Variants in ZNF479 observed in about 807,000 individuals in gnomAD.
The protein encoded by ZNF479 is KRAB zinc finger protein KR19.
ZNF479 carries 15 observed loss-of-function variants against 14.7 expected under a neutral mutation model. The observed-to-expected ratio is 1.02, with a 90% confidence interval of 0.68 to 1.57. ZNF479 has a LOEUF of 1.57. ZNF479 is among the 40% of genes most tolerant of loss of function. ZNF479 has a pLI of 0.00. For missense variants in ZNF479, 506 were observed against 615.1 expected, an observed-to-expected ratio of 0.82 and a Z score of 1.88; for synonymous variants, 145 against 211.5, an observed-to-expected ratio of 0.69 and a Z score of 2.73.
chr7:57,120,475 C>T lies in ZNF479; in HGVS notation c.940G>A (p.Asp314Asn), dbSNP rs200731240. 1,520 of 1,605,786 alleles carry T rather than the reference C, an allele frequency of 9.5e-4. 15 individuals are homozygous for T. The African/African-American group carries it at 0.019, about 20-fold the overall frequency. The change falls in exon 4 of 4, where the codon GAC (aspartate) becomes AAC (asparagine). Residue 314 changes from aspartate (D) to asparagine (N), a missense_variant. By Grantham distance (23) the Asp-to-Asn change is conservative (BLOSUM62 1). Coordinates refer to ENST00000319636, the MANE Select transcript of ZNF479 (RefSeq NM_001370129.2). ...KAFSVSSTLT[D>N]HKRIHTGEKP... Reference sequence around the variant, plus strand: ...TCTCCAGTATGAATTCTCTTGTGGTCAGTGAGGGTTGAGGATACGCTAAAG... The same window carrying T: ...TCTCCAGTATGAATTCTCTTGTGGTTAGTGAGGGTTGAGGATACGCTAAAG...
chr7:57,127,711 A>G (rs568567684), intron 1 of ZNF479: 22 of 202,086 alleles, frequency 1.1e-4, no homozygotes, highest in Non-Finnish European at 1.6e-4. Flanking sequence ...TCAGCTAGTA[A>G]ATCTCCTAAG....
At chr7:57,122,953 C>A (rs1786015494) in intron 3 of ZNF479, among the ~76,000 whole-genome samples, 1 of 151,684 alleles carries the variant, frequency 6.6e-6, no homozygotes, top group African/African-American at 2.4e-5. Flanking sequence ...AACATTAAGA[C>A]CTCCTTTTCA....
At position 57,122,276 on chromosome 7, in the gene ZNF479, G is replaced by A. The variant is rs1785988102; in HGVS notation, c.263-1124C>T. 2.0e-5 allele frequency among the ~76,000 whole-genome samples: 3 copies of A among 150,686 alleles called. No individual in the cohort carries two copies. The South Asian group carries it at 6.4e-4, about 32-fold the overall frequency. On this transcript the variant is annotated intron_variant, in intron 3 of 3. Coordinates refer to ENST00000319636, the MANE Select transcript of ZNF479 (RefSeq NM_001370129.2). ...AAAGGCTGAAAAAAATTTTCATGGT[G>A]AGAATAATAAAACCAGAAAAATGTA...
intron 1 of ZNF479, among the ~76,000 whole-genome samples, chr7:57,139,021 C>T (rs955556744): frequency 6.6e-6 from 1 of 152,208 alleles, no homozygotes; most frequent in African/African-American, 2.4e-5. Flanking sequence ...CATGATCCTA[C>T]ATTTGGGATT....
chr7:57,130,983 T>C (rs1320652086), intron 1 of ZNF479, among the ~76,000 whole-genome samples: 1 of 152,172 alleles, frequency 6.6e-6, no homozygotes, highest in Non-Finnish European at 1.5e-5. Context: ...TCATTATTTT[T>C]AGAAAACTAG....
chr7:57,131,281 A>G (rs376074286), intron 1 of ZNF479, among the ~76,000 whole-genome samples: 15 of 152,162 alleles, frequency 9.9e-5, no homozygotes, highest in East Asian at 9.7e-4. Context: ...AAAAAAAATC[A>G]GCTGGGTGCG....
chr7:57,136,459 T>C (rs1786659114), upstream of ZNF479, among the ~76,000 whole-genome samples: 1 of 152,078 alleles, frequency 6.6e-6, no homozygotes, highest in African/African-American at 2.4e-5. Context: ...AAATAATGGA[T>C]GAAATTTCCC....
chr7:57,131,692 C>A (rs1385866255), intron 1 of ZNF479, among the ~76,000 whole-genome samples: 1 of 152,056 alleles, frequency 6.6e-6, no homozygotes, highest in Non-Finnish European at 1.5e-5. Context: ...GAAATTTTCA[C>A]CTGGATCTCA....
intron 1 of ZNF479, among the ~76,000 whole-genome samples, chr7:57,128,829 C>T (rs1401058350): frequency 9.9e-5 from 15 of 152,170 alleles, no homozygotes; most frequent in Admixed American, 6.6e-4. Context: ...GTGGACACTG[C>T]GCTTGATCTG....
intron 1 of ZNF479, among the ~76,000 whole-genome samples, chr7:57,138,351 T>C (rs1786738492): frequency 6.6e-6 from 1 of 152,200 alleles, no homozygotes; most frequent in South Asian, 2.1e-4. Context: ...AAAAGAGTGT[T>C]AAAACAGAGT....
chr7:57,125,962 C>T, intron 3 of ZNF479, 56 bp downstream of exon 3: 1 of 1,573,140 alleles, frequency 6.4e-7, no homozygotes, highest in Non-Finnish European at 8.6e-7. Context: ...GACTGGCTGC[C>T]TCCTTGATTT....
chr7:57,137,128 T>A (rs188822615), upstream of ZNF479, among the ~76,000 whole-genome samples: 2 of 152,320 alleles, frequency 1.3e-5, no homozygotes, highest in East Asian at 3.9e-4. Flanking sequence ...TTAAATAATT[T>A]TTTTTAAAAA....
upstream of ZNF479, among the ~76,000 whole-genome samples, chr7:57,136,817 A>G (rs1786672776): frequency 6.6e-6 from 1 of 152,122 alleles, no homozygotes; most frequent in African/African-American, 2.4e-5. Context: ...ACCATCTTGG[A>G]TTTTCCTTTT....
intron 1 of ZNF479, chr7:57,127,520 T>C (rs1384015266): frequency 2.0e-6 from 2 of 983,358 alleles, no homozygotes; most frequent in East Asian, 1.1e-4. Context: ...AGCTCACCAA[T>C]GTTTCTAGCC....
intron 1 of ZNF479, among the ~76,000 whole-genome samples, chr7:57,137,529 C>T (rs1297450965): frequency 1.3e-5 from 2 of 152,188 alleles, no homozygotes; most frequent in Non-Finnish European, 2.9e-5. Flanking sequence ...TTTGAAAAAA[C>T]AGAGGAGGTG....
Position 57,127,937 on chromosome 7 carries a change from A to ATAT in ZNF479, c.40-1220_40-1219insATA, listed in dbSNP as rs1233983594. Among the ~76,000 whole-genome samples the ATAT allele has an allele frequency of 5.0e-5, 7 of 139,344 alleles. No homozygotes were observed. The East Asian group carries it at 6.2e-4, about 12-fold the overall frequency. 91.4% of individuals were successfully genotyped at this position (139,344 alleles called of 152,430 possible). ...ATTTAATTTTATTATATATATATAT[A>ATAT]TTTTTTTTTTTTTTTTGAGACAGAG... On this transcript the variant is annotated intron_variant, in intron 1 of 3. Transcript: ENST00000319636.
intron 3 of ZNF479, among the ~76,000 whole-genome samples, chr7:57,121,706 A>G (rs1554400662): frequency 6.6e-6 from 1 of 152,220 alleles, no homozygotes; most frequent in African/African-American, 2.4e-5. Context: ...TATGACAGGA[A>G]GGAGCTGCAT....
At position 57,121,074 on chromosome 7, in the gene ZNF479, G is replaced by A; in HGVS notation, c.341C>T (p.Thr114Ile). 3.1e-6 allele frequency: 5 copies of A among 1,613,770 alleles called. No individual in the cohort carries two copies. Among genetic ancestry groups the A allele is most frequent in the Non-Finnish European group, 4.2e-6 (5 of 1,179,906 alleles). ...KDSLQKVIPRTYGKCGHEKLQ... is the reference protein window; with the variant it reads ...KDSLQKVIPRIYGKCGHEKLQ... Reference sequence around the variant, plus strand: ...TTTCTCATGTCCACATTTTCCATATGTTCTTGGTATTACTTTTTGGAGTGA... The same window carrying A: ...TTTCTCATGTCCACATTTTCCATATATTCTTGGTATTACTTTTTGGAGTGA... Residue 114 changes from threonine to isoleucine, a missense_variant, in exon 4 of 4, where the codon ACA becomes ATA. Transcript: ENST00000319636.
chr7:57,122,009 A>G (rs1785974846), intron 3 of ZNF479, among the ~76,000 whole-genome samples: 2 of 152,148 alleles, frequency 1.3e-5, no homozygotes, highest in Non-Finnish European at 2.9e-5. Context: ...AATAACTGAA[A>G]AAATTTTAAA....
Sources: gnomAD v4.1 joint callset for allele counts (sites outside exome capture counted in the v4.1 genomes callset) on GRCh38, gnomAD v4.1.1 for gene constraint, MANE v1.5 for transcripts, NCBI Gene and HGNC (gene_info 2026-07-23, HGNC 2026-07-21) for gene names.